MYO5B: variants seen among roughly 807,000 people sequenced by gnomAD.
MYO5B encodes unconventional myosin-Vb.
Under a neutral mutation model 229.3 loss-of-function variants are expected in MYO5B, and 143 were observed. The observed-to-expected ratio is 0.62, with a 90% CI of 0.54 to 0.72. The LOEUF (loss-of-function observed/expected upper bound fraction) is 0.72, where lower values mean the gene tolerates loss of function less well. Among genes scored for constraint, MYO5B ranks in the 30% least tolerant of loss-of-function variants. The probability of loss-of-function intolerance (pLI) is 0.00; values close to 1 mark genes in which losing one functional copy is unlikely to be tolerated. For synonymous variants in MYO5B, 918 were observed against 885.2 expected (o/e 1.04, Z -0.66); for missense variants, 2,321 against 2,331.0 (o/e 1.00, Z 0.09).
At chr18:49,890,009 C>T (rs1011705277) in intron 22 of MYO5B, among the ~76,000 whole-genome samples, 1 of 152,204 alleles carries the variant, frequency 6.6e-6, no homozygotes. Flanking sequence ...GGGGGATTTA[C>T]TTTTCTTGCT....
At chr18:50,158,709 G>C (rs187647248) in intron 1 of MYO5B, among the ~76,000 whole-genome samples, 65 of 152,248 alleles carry the variant, frequency 4.3e-4, no homozygotes, top group African/African-American at 1.5e-3. Flanking sequence ...GTCCATTGTT[G>C]AGGACACTAA....
chr18:50,170,396 TA>T lies in MYO5B; in HGVS notation c.27+24370del, dbSNP rs1373068159. Among the ~76,000 whole-genome samples the T allele has an allele frequency of 2.3e-5, 3 of 128,056 alleles. 1 individual carries two copies. Among genetic ancestry groups the T allele is most frequent in the African/African-American group, 8.8e-5 (3 of 33,918 alleles). The allele number at this position is 128,056 out of a possible 152,430, so 84.0% of individuals were successfully genotyped here. A position where few individuals can be genotyped will look rare whatever the true frequency, so the allele number is the denominator to read the frequency against. On this transcript the variant is annotated intron_variant, in intron 1 of 39. Coordinates refer to ENST00000285039, the MANE Select transcript of MYO5B (RefSeq NM_001080467.3). ...TGAGAAAGATCCTAGATGCTAGACT[TA>T]AGGTAACCTTTAGAATATTACCTAC...
At chr18:49,833,320 G>T (rs897753649) in intron 39 of MYO5B, among the ~76,000 whole-genome samples, 3 of 152,150 alleles carry the variant, frequency 2.0e-5, no homozygotes, top group Non-Finnish European at 2.9e-5. Context: ...CCAAGCAATG[G>T]TTTGCTTTAA....
intron 17 of MYO5B, among the ~76,000 whole-genome samples, chr18:49,918,861 G>T (rs2025045589): frequency 6.6e-6 from 1 of 152,190 alleles, no homozygotes; most frequent in African/African-American, 2.4e-5. Flanking sequence ...GTTTCCCTTG[G>T]AAGTGTACTA....
intron 12 of MYO5B, among the ~76,000 whole-genome samples, chr18:49,961,983 G>A (rs2025564440): frequency 6.6e-6 from 1 of 152,128 alleles, no homozygotes; most frequent in Non-Finnish European, 1.5e-5. Context: ...GGTCACCTGG[G>A]ACATCAAGTC....
intron 10 of MYO5B, chr18:49,970,846 G>C (rs1241742043): frequency 1.3e-5 from 2 of 152,202 alleles, no homozygotes; most frequent in African/African-American, 4.8e-5. Flanking sequence ...TCCAACCTGA[G>C]AGGGAGGCAA....
intron 26 of MYO5B, among the ~76,000 whole-genome samples, chr18:49,873,899 T>C (rs965855909): frequency 2.0e-5 from 3 of 152,196 alleles, no homozygotes; most frequent in East Asian, 3.9e-4. Flanking sequence ...TCCATACTGA[T>C]GGTACATCCC....
intron 4 of MYO5B, among the ~76,000 whole-genome samples, chr18:50,008,565 A>G (rs1216219384): frequency 6.6e-6 from 1 of 152,086 alleles, no homozygotes; most frequent in African/African-American, 2.4e-5. Context: ...AATGGGAGGG[A>G]GTTGAGCCTC....
intron 34 of MYO5B, among the ~76,000 whole-genome samples, chr18:49,841,793 C>G (rs2024060750): frequency 6.6e-6 from 1 of 152,244 alleles, no homozygotes; most frequent in Non-Finnish European, 1.5e-5. Flanking sequence ...GCCCCGGGCT[C>G]TCGTCTAACC....
chr18:49,879,134 C>T (rs1397251085), intron 23 of MYO5B, 44 bp from the exon 24 acceptor site: 1 of 1,613,262 alleles, frequency 6.2e-7, no homozygotes, highest in East Asian at 2.2e-5. Flanking sequence ...GGATGGATTC[C>T]CTCACATGTA....
In MYO5B at chr18:50,008,455, G is replaced by A. The variant is rs567225740; in HGVS notation, c.456-7044C>T. Among the ~76,000 whole-genome samples, 220 of 152,216 alleles carry A rather than the reference G, an allele frequency of 1.4e-3. 2 individuals are homozygous for A. Among genetic ancestry groups the A allele is most frequent in the African/African-American group, 5.1e-3 (213 of 41,540 alleles). ...GAGCACACCATCTGGAGCCCCCTTC[G>A]AGTTGTACAAGTTACTGCCTGCAAA... On this transcript the variant is annotated intron_variant, in intron 4 of 39. Coordinates refer to ENST00000285039, the MANE Select transcript of MYO5B (RefSeq NM_001080467.3).
intron 9 of MYO5B, among the ~76,000 whole-genome samples, chr18:49,979,471 A>T (rs2025791289): frequency 6.6e-6 from 1 of 152,196 alleles, no homozygotes; most frequent in East Asian, 1.9e-4. Flanking sequence ...TCCCAGCTAC[A>T]GTTCAGGTCT....
intron 16 of MYO5B, among the ~76,000 whole-genome samples, chr18:49,935,331 A>C (rs1175023891): frequency 2.6e-5 from 4 of 152,232 alleles, no homozygotes; most frequent in Non-Finnish European, 5.9e-5. Flanking sequence ...GACAGGTTTC[A>C]AGCACTCGAT....
intron 16 of MYO5B, among the ~76,000 whole-genome samples, chr18:49,932,601 C>T (rs1348267077): frequency 1.3e-5 from 2 of 152,308 alleles, no homozygotes; most frequent in African/African-American, 2.4e-5. Context: ...TCCTCATTTA[C>T]TCAATGAGAG....
chr18:50,148,773 C>G (rs2032546093), intron 1 of MYO5B, among the ~76,000 whole-genome samples: 1 of 151,914 alleles, frequency 6.6e-6, no homozygotes, highest in African/African-American at 2.4e-5. Context: ...AAAACTGGCA[C>G]AAGACAGGGA....
rs2033280141 is a variant in MYO5B at position 50,194,825 on chromosome 18, T to C, written c.-32A>G. On this transcript the variant is annotated 5_prime_UTR_variant, in exon 1 of 40. Transcript: ENST00000285039. The stretch of plus-strand genomic sequence containing the variant: ...GGCCGGGCGGGGCTCGGGCCCCGGC[T>C]CCTGGCTGCCCCGCGGCTCTCAGTC... 2 of 1,308,620 alleles carry C rather than the reference T, an allele frequency of 1.5e-6. No homozygotes were observed. Among genetic ancestry groups the C allele is most frequent in the Non-Finnish European group, 9.7e-7 (1 of 1,033,994 alleles). 81.1% of individuals were successfully genotyped at this position (1,308,620 alleles called of 1,614,324 possible).
chr18:50,014,782 G>T (rs994690911), intron 4 of MYO5B, among the ~76,000 whole-genome samples: 1 of 152,234 alleles, frequency 6.6e-6, no homozygotes, highest in African/African-American at 2.4e-5. Flanking sequence ...GGGAATGAAG[G>T]TGGGGTTCAG....
intron 4 of MYO5B, among the ~76,000 whole-genome samples, chr18:50,009,041 C>T (rs2144339143): frequency 6.6e-6 from 1 of 152,322 alleles, no homozygotes; most frequent in South Asian, 2.1e-4. Flanking sequence ...TAGAAAAATA[C>T]AGTGACAATG....
chr18:49,998,817 T>C lies in MYO5B; in HGVS notation c.612+2438A>G, dbSNP rs1205235950. ...GTGGGGGTACCTAGAATAGGCAAAT[T>C]CAGAGAGATTACCAGGGGCTGGAGG... is the stretch of plus-strand genomic sequence containing the variant. On this transcript the variant is annotated intron_variant, in intron 5 of 39. Transcript: ENST00000285039. Among the ~76,000 whole-genome samples the C allele has an allele frequency of 3.3e-5, 5 of 152,272 alleles. No individual in the cohort carries two copies. In the South Asian group the frequency reaches 8.3e-4, roughly 25 times the overall value.
Sources: allele counts gnomAD v4.1 joint callset (sites outside exome capture counted in the v4.1 genomes callset), GRCh38; gene constraint gnomAD v4.1.1; transcripts MANE v1.5; gene names NCBI Gene and HGNC (gene_info 2026-07-23, HGNC 2026-07-21).